Variants in PDZRN4 observed in about 807,000 individuals in gnomAD.
PDZRN4 encodes PDZ domain-containing RING finger protein 4.
PDZRN4 carries 70 observed loss-of-function variants against 99.0 expected under a neutral mutation model. The ratio of observed to expected loss-of-function variants is 0.71; its 90% CI spans 0.58 to 0.86. The LOEUF (loss-of-function observed/expected upper bound fraction) is 0.86, where lower values mean the gene tolerates loss of function less well. PDZRN4 is among the 40% of genes least tolerant of loss of function. The pLI is 0.00. For synonymous variants in PDZRN4, 551 were observed against 501.6 expected, an observed-to-expected ratio of 1.10 and a Z score of -1.32; for missense variants, 1,474 against 1,331.2, an observed-to-expected ratio of 1.11 and a Z score of -1.67.
intron 5 of PDZRN4, among the ~76,000 whole-genome samples, chr12:41,526,383 A>G (rs898302931): frequency 2.0e-5 from 3 of 152,068 alleles, no homozygotes; most frequent in Admixed American, 6.5e-5. Flanking sequence ...TGGAGAATAA[A>G]CCTCTTGGTT....
intron 3 of PDZRN4, among the ~76,000 whole-genome samples, chr12:41,498,397 T>C (rs920991336): frequency 2.0e-5 from 3 of 152,138 alleles, no homozygotes; most frequent in Non-Finnish European, 2.9e-5. Flanking sequence ...AAAAAATGTG[T>C]TTCTCACAGT....
chr12:41,333,788 CA>C (rs1951754737), intron 3 of PDZRN4, among the ~76,000 whole-genome samples: 1 of 152,108 alleles, frequency 6.6e-6, no homozygotes, highest in African/African-American at 2.4e-5. Context: ...AAGAGCTATG[CA>C]AAGGTAACAC....
intron 3 of PDZRN4, among the ~76,000 whole-genome samples, chr12:41,491,186 T>C (rs1289260317): frequency 1.3e-5 from 2 of 152,048 alleles, no homozygotes; most frequent in Non-Finnish European, 2.9e-5. Context: ...TCGAGTCCAA[T>C]TAGTAAGTGA....
chr12:41,244,979 C>G (rs370892474), intron 3 of PDZRN4, among the ~76,000 whole-genome samples: 2 of 152,068 alleles, frequency 1.3e-5, no homozygotes, highest in African/African-American at 4.8e-5. Context: ...CGTGAGCCAC[C>G]GCGCCCGGCC....
chr12:41,362,809 C>T (rs1565562559), intron 3 of PDZRN4, among the ~76,000 whole-genome samples: 2 of 152,022 alleles, frequency 1.3e-5, no homozygotes, highest in African/African-American at 2.4e-5. Context: ...TGCCTCACAC[C>T]AGAATGACTT....
intron 7 of PDZRN4, among the ~76,000 whole-genome samples, chr12:41,560,756 A>G (rs998975600): frequency 1.3e-5 from 2 of 152,178 alleles, no homozygotes; most frequent in African/African-American, 2.4e-5. Flanking sequence ...CCGAAGGTTG[A>G]AAGCTCTATC....
chr12:41,284,209 C>T (rs368332790), intron 3 of PDZRN4, among the ~76,000 whole-genome samples: 1 of 152,036 alleles, frequency 6.6e-6, no homozygotes, highest in Non-Finnish European at 1.5e-5. Flanking sequence ...CATTCCTATA[C>T]ACCAATAACA....
At chr12:41,410,973 G>A (rs1952393795) in intron 3 of PDZRN4, among the ~76,000 whole-genome samples, 1 of 151,842 alleles carries the variant, frequency 6.6e-6, no homozygotes, top group East Asian at 1.9e-4. Context: ...ATACCTCCAA[G>A]GTTCAACCAA....
At chr12:41,421,751 A>C (rs1398199994) in intron 3 of PDZRN4, among the ~76,000 whole-genome samples, 1 of 152,132 alleles carries the variant, frequency 6.6e-6, no homozygotes, top group Non-Finnish European at 1.5e-5. Context: ...TCTTCTACTA[A>C]CAATTTTTCT....
At chr12:41,402,894 C>T (rs893818413) in intron 3 of PDZRN4, among the ~76,000 whole-genome samples, 8 of 151,638 alleles carry the variant, frequency 5.3e-5, no homozygotes, top group African/African-American at 1.2e-4. Flanking sequence ...TTGTGTGTAA[C>T]GTGAGCTAAA....
chr12:41,329,176 G>A (rs1272785087), intron 3 of PDZRN4, among the ~76,000 whole-genome samples: 1 of 152,194 alleles, frequency 6.6e-6, no homozygotes, highest in African/African-American at 2.4e-5. Context: ...ATAGCTTGAT[G>A]TTCATTTGTT....
chr12:41,449,279 AT>A (rs1952755019), intron 3 of PDZRN4, among the ~76,000 whole-genome samples: 1 of 152,054 alleles, frequency 6.6e-6, no homozygotes. Context: ...CAGTTCATAT[AT>A]CTGTCATAAT....
chr12:41,416,646 A>AC (rs1952447885), intron 3 of PDZRN4, among the ~76,000 whole-genome samples: 2 of 152,158 alleles, frequency 1.3e-5, no homozygotes, highest in Non-Finnish European at 2.9e-5. Context: ...AACAACAGCG[A>AC]AACTCCATCT....
rs10522706 is a variant in PDZRN4, at chr12:41,360,939, A to AGTGTGTGT, written c.844-145486_844-145479dup. On this transcript the variant is annotated intron_variant, in intron 3 of 9. Coordinates refer to ENST00000402685, the MANE Select transcript of PDZRN4 (RefSeq NM_001164595.2). Reference sequence around the variant, plus strand: ...ATTTATCATTCCAAAGAATAAGTAAAGTGTGTGTGTGTGTGTGTGTGTGTG... The same window carrying AGTGTGTGT: ...ATTTATCATTCCAAAGAATAAGTAAAGTGTGTGTGTGTGTGTGTGTGTGTGTGTGTGTG... Among the ~76,000 whole-genome samples, 168 of 150,502 alleles carry AGTGTGTGT rather than the reference A, an allele frequency of 1.1e-3. 1 individual carries two copies. The highest frequency in any genetic ancestry group is 1.8e-3 in the Non-Finnish European group (119 of 67,588).
intron 3 of PDZRN4, among the ~76,000 whole-genome samples, chr12:41,501,112 C>A (rs1208937280): frequency 6.6e-6 from 1 of 152,050 alleles, no homozygotes; most frequent in African/African-American, 2.4e-5. Flanking sequence ...ATCAATTGTC[C>A]ATAATCCTTG....
intron 3 of PDZRN4, among the ~76,000 whole-genome samples, chr12:41,433,373 C>T (rs1952601248): frequency 6.6e-6 from 1 of 152,126 alleles, no homozygotes; most frequent in South Asian, 2.1e-4. Context: ...TCAGGTTGAC[C>T]TTCCACAAGT....
chr12:41,254,039 G>A (rs1951188260), intron 3 of PDZRN4, among the ~76,000 whole-genome samples: 2 of 144,220 alleles, frequency 1.4e-5, no homozygotes, highest in South Asian at 4.4e-4. Flanking sequence ...GTGTGCGTGT[G>A]TGTGTGTGTG....
intron 3 of PDZRN4, among the ~76,000 whole-genome samples, chr12:41,308,235 G>A (rs544349480): frequency 3.9e-5 from 6 of 151,996 alleles, no homozygotes; most frequent in Admixed American, 2.6e-4. Context: ...ACGTGTTTTT[G>A]AGAAATGGAA....
Position 41,322,487 on chromosome 12 carries a change from C to CTTTTTTT in PDZRN4, c.843+128314_843+128320dup, listed in dbSNP as rs71081724. On this transcript the variant is annotated intron_variant, in intron 3 of 9. Coordinates refer to ENST00000402685, the MANE Select transcript of PDZRN4 (RefSeq NM_001164595.2). Reference sequence around the variant, plus strand: ...ACTTTGGAAATTTAGATTTTCTTTCCTTTTTTTTTTTTTTTTTTTTTGAGA... The same window carrying CTTTTTTT: ...ACTTTGGAAATTTAGATTTTCTTTCCTTTTTTTTTTTTTTTTTTTTTTTTTTTTGAGA... 1.4e-3 allele frequency among the ~76,000 whole-genome samples: 127 copies of CTTTTTTT among 91,212 alleles called. 4 individuals carry two copies. The highest frequency in any genetic ancestry group is 2.0e-3 in the East Asian group (5 of 2,518). The allele number at this position is 91,212 out of a possible 152,430, so 59.8% of individuals were successfully genotyped here. A position where few individuals can be genotyped will look rare whatever the true frequency, so the allele number is the denominator to read the frequency against.
Sources: allele counts gnomAD v4.1 joint callset (sites outside exome capture counted in the v4.1 genomes callset), GRCh38; gene constraint gnomAD v4.1.1; transcripts MANE v1.5; gene names NCBI Gene and HGNC (gene_info 2026-07-23, HGNC 2026-07-21).